The following TG variants were observed in gnomAD, a reference collection of about 807,000 sequenced individuals.
The protein encoded by TG is thyroid hormones.
Under a neutral mutation model 324.7 loss-of-function variants are expected in TG, and 270 were observed. The ratio of observed to expected loss-of-function variants is 0.83; its 90% CI spans 0.75 to 0.92. The LOEUF (loss-of-function observed/expected upper bound fraction) is 0.92. Ranked by LOEUF, TG falls within the 40% of genes least tolerant of loss-of-function variation. TG has a pLI of 0.00. For missense variants in TG, 3,591 were observed against 3,456.4 expected (o/e 1.04, Z -0.98); for synonymous variants, 1,401 against 1,327.0 (o/e 1.06, Z -1.21).
chr8:132,909,791 C>G (rs2132360177), intron 18 of TG, among the ~76,000 whole-genome samples: 1 of 152,240 alleles, frequency 6.6e-6, no homozygotes, highest in Non-Finnish European at 1.5e-5. Context: ...AAATCCAAAG[C>G]TTTTTCTCTT....
chr8:133,091,740 G>T (rs1272339900), intron 41 of TG, among the ~76,000 whole-genome samples: 4 of 152,122 alleles, frequency 2.6e-5, no homozygotes, highest in African/African-American at 9.6e-5. Flanking sequence ...ATGTGTGTGG[G>T]TGTATATTTC....
At chr8:132,871,211 C>A in intron 3 of TG, 137 bp from the exon 4 acceptor site, 1 of 856,058 alleles carries the variant, frequency 1.2e-6, no homozygotes, top group South Asian at 1.4e-5. Flanking sequence ...TGGCTGCCAC[C>A]CCATCACTGC....
intron 35 of TG, chr8:133,001,875 C>T: frequency 2.0e-6 from 2 of 985,478 alleles, no homozygotes; most frequent in Non-Finnish European, 2.4e-6. Context: ...TGGAAACCGC[C>T]TCTTCTATTT....
At chr8:132,946,397 G>A (rs933761833) in intron 26 of TG, among the ~76,000 whole-genome samples, 1 of 152,060 alleles carries the variant, frequency 6.6e-6, no homozygotes, top group Non-Finnish European at 1.5e-5. Flanking sequence ...CACTCACCTC[G>A]CAGTGCTGAA....
intron 45 of TG, 113 bp downstream of exon 45, chr8:133,116,829 G>A: frequency 1.2e-6 from 1 of 855,854 alleles, no homozygotes; most frequent in Non-Finnish European, 1.9e-6. Context: ...CCTCATCTGA[G>A]AAATAGAAAT....
intron 35 of TG, among the ~76,000 whole-genome samples, chr8:132,986,467 A>G (rs1831567786): frequency 6.6e-6 from 1 of 151,828 alleles, no homozygotes; most frequent in African/African-American, 2.4e-5. Flanking sequence ...TCACTCATTC[A>G]TGCAGGCATG....
At chr8:133,123,222 A>C (rs528682675) in intron 45 of TG, among the ~76,000 whole-genome samples, 1 of 152,008 alleles carries the variant, frequency 6.6e-6, no homozygotes, top group Non-Finnish European at 1.5e-5. Flanking sequence ...CCCCTCTCCC[A>C]GACACTGCCC....
rs116596004 is a variant in TG, at chr8:132,875,834, G to A, written c.638+2613G>A. Among the ~76,000 whole-genome samples, 449 of 152,298 alleles carry A rather than the reference G, an allele frequency of 2.9e-3. 3 individuals are homozygous for A. Among genetic ancestry groups the A allele is most frequent in the African/African-American group, 0.01 (419 of 41,554 alleles). On this transcript the variant is annotated intron_variant, in intron 5 of 47. Transcript: ENST00000220616. ...GTGGTTGGTTACTGGAAGCCCAGCT[G>A]TAATCAGGGATTTTCCGATACTTAA...
Position 132,967,776 on chromosome 8 carries a change from C to T in TG, c.5687-18C>T, listed in dbSNP as rs1320080968. 5 of 1,613,154 alleles carry T rather than the reference C, an allele frequency of 3.1e-6. No individual in the cohort carries two copies. The highest frequency in any genetic ancestry group is 1.1e-5 in the South Asian group (1 of 90,980). ...AGACCCCACAAAAACTAAAATCACACTACTCTCTTGCCTGTAGGTTGTGTG... is the reference window on the plus strand; with the variant it reads ...AGACCCCACAAAAACTAAAATCACATTACTCTCTTGCCTGTAGGTTGTGTG... On this transcript the variant is annotated intron_variant, in intron 30 of 47. Coordinates refer to ENST00000220616, the MANE Select transcript of TG (RefSeq NM_003235.5).
chr8:133,047,761 A>G (rs778275047), intron 41 of TG: 6 of 876,594 alleles, frequency 6.8e-6, no homozygotes, highest in Non-Finnish European at 9.9e-6. Flanking sequence ...AAGCCGTGTA[A>G]TGAGTCAGCC....
chr8:132,958,665 C>G (rs916169685), intron 27 of TG, among the ~76,000 whole-genome samples: 1 of 90,532 alleles, frequency 1.1e-5, no homozygotes, highest in Non-Finnish European at 2.2e-5. Context: ...TTGCAGTGAG[C>G]CGAGATCGTG....
chr8:132,994,040 A>G lies in TG; in HGVS notation c.6262+10628A>G, dbSNP rs185050746. Among the ~76,000 whole-genome samples the G allele has an allele frequency of 4.6e-5, 7 of 152,224 alleles. No homozygotes were observed. The South Asian group carries it at 1.2e-3, about 27-fold the overall frequency. ...TACTGCCCTGTCTTCCTCTTTCTCTATAATTCCCCTCTGCCCACTCTGGGT... is the reference window on the plus strand; with the variant it reads ...TACTGCCCTGTCTTCCTCTTTCTCTGTAATTCCCCTCTGCCCACTCTGGGT... On this transcript the variant is annotated intron_variant, in intron 35 of 47. Transcript: ENST00000220616.
intron 41 of TG, chr8:133,038,659 G>GCT: frequency 6.2e-7 from 1 of 1,613,732 alleles, no homozygotes; most frequent in Non-Finnish European, 8.5e-7. Context: ...AAGAGGCAAT[G>GCT]CTCTCTCGAA....
At chr8:132,925,906 C>T (rs548812614) in intron 22 of TG, among the ~76,000 whole-genome samples, 18 of 152,320 alleles carry the variant, frequency 1.2e-4, no homozygotes, top group East Asian at 5.8e-4. Flanking sequence ...GAAGTGCTCA[C>T]GAGTCACAGC....
At chr8:133,006,793 T>C (rs1438286287) in intron 35 of TG, among the ~76,000 whole-genome samples, 2 of 152,200 alleles carry the variant, frequency 1.3e-5, no homozygotes, top group East Asian at 3.8e-4. Context: ...CAGGAAAAAA[T>C]AGGCAAATAA....
chr8:133,015,674 C>A (rs754084765), intron 37 of TG, among the ~76,000 whole-genome samples: 13 of 152,164 alleles, frequency 8.5e-5, no homozygotes, highest in Non-Finnish European at 1.3e-4. Context: ...GTGGCTGTTT[C>A]CTGCATAGCA....
chr8:133,103,713 T>C (rs115023011), intron 43 of TG, among the ~76,000 whole-genome samples: 2,018 of 152,310 alleles, frequency 0.013, 52 homozygotes, highest in African/African-American at 0.046. Context: ...AAGTAAGTCC[T>C]TGTCCCTTAA....
At chr8:132,979,925 T>C (rs1830616052) in intron 34 of TG, among the ~76,000 whole-genome samples, 1 of 152,210 alleles carries the variant, frequency 6.6e-6, no homozygotes, top group Admixed American at 6.5e-5. Flanking sequence ...CCTGCACTTC[T>C]GACCATATAA....
intron 27 of TG, among the ~76,000 whole-genome samples, chr8:132,954,274 A>G (rs1826540417): frequency 6.6e-6 from 1 of 152,066 alleles, no homozygotes; most frequent in South Asian, 2.1e-4. Context: ...TACAGTTATT[A>G]GTTACTGCTG....
Sources: allele counts gnomAD v4.1 joint callset (sites outside exome capture counted in the v4.1 genomes callset), GRCh38; gene constraint gnomAD v4.1.1; transcripts MANE v1.5; gene names NCBI Gene and HGNC (gene_info 2026-07-23, HGNC 2026-07-21).